Variants in OR9Q1 observed in about 807,000 individuals in gnomAD.
OR9Q1 encodes the protein olfactory receptor family 9 subfamily Q member 1, also known as olfactory receptor 9Q1.
For missense variants in OR9Q1, 374 were observed against 378.8 expected, an observed-to-expected ratio of 0.99 and a Z score of 0.11; for synonymous variants, 153 against 148.6, an observed-to-expected ratio of 1.03 and a Z score of -0.22.
chr11:58,134,145 T>C (rs1324362408), intron 2 of OR9Q1, among the ~76,000 whole-genome samples: 1 of 152,186 alleles, frequency 6.6e-6, no homozygotes, highest in Non-Finnish European at 1.5e-5. Flanking sequence ...ATGTCCATGC[T>C]CATGCTTTGC....
intron 2 of OR9Q1, among the ~76,000 whole-genome samples, chr11:58,071,303 C>T (rs936977876): frequency 6.6e-6 from 1 of 152,132 alleles, no homozygotes; most frequent in African/African-American, 2.4e-5. Context: ...GCCTTGCCAA[C>T]ATGGTAAAAC....
At chr11:58,053,837 C>G (rs1853300304) in intron 1 of OR9Q1, among the ~76,000 whole-genome samples, 1 of 151,754 alleles carries the variant, frequency 6.6e-6, no homozygotes, top group Non-Finnish European at 1.5e-5. Flanking sequence ...GGAGTTTGCA[C>G]CAATATTTCC....
chr11:58,163,863 G>A (rs1247879949), intron 2 of OR9Q1, among the ~76,000 whole-genome samples: 1 of 152,172 alleles, frequency 6.6e-6, no homozygotes, highest in Admixed American at 6.5e-5. Context: ...ATTCCTCATG[G>A]GACAAGTCAG....
At chr11:58,105,080 ATT>A (rs5792080) in intron 2 of OR9Q1, among the ~76,000 whole-genome samples, 113 of 149,156 alleles carry the variant, frequency 7.6e-4, no homozygotes, top group Non-Finnish European at 1.3e-3. Flanking sequence ...GAGAAGGTAG[ATT>A]TTTTTTTTTT....
chr11:58,096,652 A>G (rs1016633548), intron 2 of OR9Q1, among the ~76,000 whole-genome samples: 52 of 149,056 alleles, frequency 3.5e-4, no homozygotes, highest in Non-Finnish European at 2.4e-4. Flanking sequence ...AGCTGGGACT[A>G]TAGGCCTGCA....
intron 2 of OR9Q1, chr11:58,118,653 T>A: frequency 6.2e-7 from 1 of 1,613,992 alleles, no homozygotes; most frequent in Non-Finnish European, 8.5e-7. Flanking sequence ...GAGATTTGCC[T>A]GAGCCACTTT....
chr11:58,136,721 T>A (rs1429664330), intron 2 of OR9Q1, among the ~76,000 whole-genome samples: 1 of 152,208 alleles, frequency 6.6e-6, no homozygotes, highest in Non-Finnish European at 1.5e-5. Flanking sequence ...CTTTAAAATA[T>A]TCCTCTGCCC....
At chr11:58,160,438 T>TTG (rs1854446419) in intron 2 of OR9Q1, among the ~76,000 whole-genome samples, 1 of 150,088 alleles carries the variant, frequency 6.7e-6, no homozygotes, top group African/African-American at 2.5e-5. Flanking sequence ...GAGTAGAATA[T>TTG]TTGTTGTTGT....
At chr11:58,061,084 TTTCTC>T (rs1853376782) in intron 2 of OR9Q1, among the ~76,000 whole-genome samples, 5 of 152,264 alleles carry the variant, frequency 3.3e-5, no homozygotes, top group Middle Eastern at 3.4e-3. Context: ...TGCCTGTTCT[TTTCTC>T]TTCTCTCCTG....
At chr11:58,142,137 C>T (rs1854255881) in intron 2 of OR9Q1, among the ~76,000 whole-genome samples, 1 of 152,098 alleles carries the variant, frequency 6.6e-6, no homozygotes, top group Non-Finnish European at 1.5e-5. Flanking sequence ...TATCCTTATC[C>T]TTACTTTGAT....
At chr11:58,120,803 C>CATATATATATAT (rs61634454) in intron 2 of OR9Q1, among the ~76,000 whole-genome samples, 4,146 of 132,318 alleles carry the variant, frequency 0.031, 96 homozygotes, top group Non-Finnish European at 0.039. Flanking sequence ...ATTTCAATAC[C>CATATATATATAT]ATATATATAT....
intron 2 of OR9Q1, among the ~76,000 whole-genome samples, chr11:58,066,444 C>T (rs181500786): frequency 1.3e-5 from 2 of 152,120 alleles, no homozygotes; most frequent in African/African-American, 2.4e-5. Flanking sequence ...GCTTCGTTTG[C>T]GAGGATCTAG....
intron 1 of OR9Q1, among the ~76,000 whole-genome samples, chr11:58,037,690 T>TATCTATATATAG (rs1232679301): frequency 1.1e-4 from 1 of 9,354 alleles, no homozygotes; most frequent in Non-Finnish European, 1.6e-4. Context: ...TATATATATA[T>TATCTATATATAG]TTTTTTTTTT....
chr11:58,179,675 T>G lies in OR9Q1; in HGVS notation c.231T>G (p.Thr77=). 3 of 1,614,106 alleles carry G rather than the reference T, an allele frequency of 1.9e-6. No individual in the cohort carries two copies. Among genetic ancestry groups the G allele is most frequent in the Non-Finnish European group, 2.5e-6 (3 of 1,179,954 alleles). ...TGGACGTCTGCTACTCATCTATCAC[T>G]GTCCCCCAGATGCTGGCAGTGCTGC... ...AFMDVCYSSI[T]VPQMLAVLLE... Residue 77 remains threonine, a synonymous_variant, in exon 3 of 3, where the codon ACT becomes ACG. Transcript: ENST00000335397.
chr11:58,103,491 T>A (rs1165949615), intron 2 of OR9Q1, among the ~76,000 whole-genome samples: 1 of 152,204 alleles, frequency 6.6e-6, no homozygotes, highest in Admixed American at 6.5e-5. Flanking sequence ...GATCATGAAT[T>A]ATTTTCCTGA....
At chr11:58,100,579 A>C (rs570989669) in intron 2 of OR9Q1, among the ~76,000 whole-genome samples, 36 of 152,100 alleles carry the variant, frequency 2.4e-4, no homozygotes, top group Non-Finnish European at 3.7e-4. Flanking sequence ...TATAGATAAA[A>C]GTGTTCATTT....
At position 58,037,140 on chromosome 11, in the gene OR9Q1, T is replaced by C. The variant is rs139979058; in HGVS notation, c.-93+13036T>C. ...CTGATTGGACAGCAGCCATCGATAT[T>C]GAGGCAAGTCCCTCTATAAGCAAAA... On this transcript the variant is annotated intron_variant, in intron 1 of 2. Transcript: ENST00000335397. Among the ~76,000 whole-genome samples the C allele has an allele frequency of 1.3e-3, 201 of 152,334 alleles. 2 individuals carry two copies. The highest frequency in any genetic ancestry group is 4.3e-3 in the African/African-American group (177 of 41,574).
chr11:58,075,673 A>T (rs1853532573), intron 2 of OR9Q1, among the ~76,000 whole-genome samples: 2 of 152,214 alleles, frequency 1.3e-5, no homozygotes, highest in Admixed American at 1.3e-4. Context: ...ATCTGCTAGC[A>T]CCTTGATCTT....
chr11:58,178,856 A>G (rs1407229329), intron 2 of OR9Q1, among the ~76,000 whole-genome samples: 2 of 142,702 alleles, frequency 1.4e-5, no homozygotes, highest in East Asian at 4.0e-4. Context: ...GCCCTACATC[A>G]CACCTGACAT....
Sources: allele counts gnomAD v4.1 joint callset (sites outside exome capture counted in the v4.1 genomes callset), GRCh38; gene constraint gnomAD v4.1.1; transcripts MANE v1.5; gene names NCBI Gene and HGNC (gene_info 2026-07-23, HGNC 2026-07-21).